Variants in TLL1 observed in about 807,000 individuals in gnomAD.
The protein encoded by TLL1 is tolloid like 1, also known as tolloid-like protein 1.
Under a neutral mutation model 128.2 loss-of-function variants are expected in TLL1, and 49 were observed. The ratio of observed to expected loss-of-function variants is 0.38; its 90% CI spans 0.30 to 0.48. The LOEUF is 0.48. TLL1 is among the 20% of genes least tolerant of loss of function. TLL1 has a pLI of 0.96. For synonymous variants in TLL1, 454 were observed against 418.8 expected (o/e 1.08, Z -1.03); for missense variants, 1,123 against 1,242.0 (o/e 0.90, Z 1.44).
intron 1 of TLL1, among the ~76,000 whole-genome samples, chr4:165,875,708 C>T (rs1255184651): frequency 2.0e-5 from 3 of 152,112 alleles, no homozygotes; most frequent in Non-Finnish European, 4.4e-5. Context: ...AATGTTGTAA[C>T]TTGCTGAAAA....
intron 1 of TLL1, among the ~76,000 whole-genome samples, chr4:165,964,074 A>AGATACAT (rs1224689312): frequency 6.6e-6 from 1 of 152,146 alleles, no homozygotes; most frequent in East Asian, 1.9e-4. Context: ...CCTAATGGGG[A>AGATACAT]GATACATCTT....
At chr4:165,958,041 C>T (rs1188792518) in intron 1 of TLL1, among the ~76,000 whole-genome samples, 6 of 150,954 alleles carry the variant, frequency 4.0e-5, no homozygotes, top group Non-Finnish European at 8.8e-5. Context: ...GACATGAGCT[C>T]ATCATTTTTT....
chr4:165,920,753 G>A (rs1733007913), intron 1 of TLL1, among the ~76,000 whole-genome samples: 1 of 152,012 alleles, frequency 6.6e-6, no homozygotes, highest in Admixed American at 6.6e-5. Flanking sequence ...ATATGGTAAT[G>A]GTGTTTGGAG....
rs1349519736 is a variant in TLL1 at position 165,968,761 on chromosome 4, GA to G, written c.170-20619del. On this transcript the variant is annotated intron_variant, in intron 1 of 20. Transcript: ENST00000061240. ...CAAAATGTCGTTTTTTTCTATCTGT[GA>G]GATAGAATTGTTGTAGTAGTTCATC... Among the ~76,000 whole-genome samples, 5 of 152,066 alleles carry G rather than the reference GA, an allele frequency of 3.3e-5. No individual in the cohort carries two copies. The East Asian group carries it at 7.7e-4, about 23-fold the overall frequency.
chr4:165,946,084 G>A (rs1379996588), intron 1 of TLL1, among the ~76,000 whole-genome samples: 1 of 152,098 alleles, frequency 6.6e-6, no homozygotes, highest in African/African-American at 2.4e-5. Flanking sequence ...AGGAATGCAC[G>A]TGGCCTTAAG....
intron 9 of TLL1, among the ~76,000 whole-genome samples, chr4:166,033,267 T>C (rs372559929): frequency 2.0e-5 from 3 of 152,250 alleles, no homozygotes; most frequent in Admixed American, 6.5e-5. Context: ...TAGTGAAAGT[T>C]GGAAACAAAA....
chr4:166,060,172 A>G lies in TLL1; in HGVS notation c.1991A>G (p.Glu664Gly), dbSNP rs773264792. Residue 664 changes from glutamate (E) to glycine (G), a missense_variant, in exon 15 of 21, where the codon GAA (glutamate) becomes GGA (glycine). By Grantham distance (98) the Glu-to-Gly change is moderately conservative. Coordinates refer to ENST00000061240, the MANE Select transcript of TLL1 (RefSeq NM_012464.5). Reference protein sequence around the residue: ...YRISVKFEFFELEGNEVCKYD... With the variant: ...YRISVKFEFFGLEGNEVCKYD... The stretch of plus-strand genomic sequence containing the variant: ...ATTTCTGTGAAGTTTGAGTTTTTTG[A>G]ATTGGAAGGCAATGAAGTAAGTGAA... 1 of 1,613,574 alleles carries G rather than the reference A, an allele frequency of 6.2e-7. No individual in the cohort carries two copies. The highest frequency in any genetic ancestry group is 8.5e-7 in the Non-Finnish European group (1 of 1,179,772).
Position 165,943,786 on chromosome 4 carries a change from C to G in TLL1, c.170-45595C>G, listed in dbSNP as rs116551585. The stretch of plus-strand genomic sequence containing the variant: ...TATTTTTTATTTCTGACTTCTTGCT[C>G]TATATTTTATTGGGAATTGATCATT... On this transcript the variant is annotated intron_variant, in intron 1 of 20. Coordinates refer to ENST00000061240, the MANE Select transcript of TLL1 (RefSeq NM_012464.5). Among the ~76,000 whole-genome samples, 1,158 of 152,140 alleles carry G rather than the reference C, an allele frequency of 7.6e-3. 7 individuals are homozygous for G. Among genetic ancestry groups the G allele is most frequent in the Non-Finnish European group, 9.6e-3 (655 of 67,960 alleles).
At chr4:165,899,543 T>C (rs1731853048) in intron 1 of TLL1, among the ~76,000 whole-genome samples, 1 of 152,218 alleles carries the variant, frequency 6.6e-6, no homozygotes, top group Middle Eastern at 3.2e-3. Context: ...TGAGTGAGTT[T>C]CTTAATCCTG....
intron 1 of TLL1, among the ~76,000 whole-genome samples, chr4:165,930,856 C>T (rs1221248361): frequency 3.3e-5 from 5 of 151,970 alleles, no homozygotes; most frequent in Non-Finnish European, 5.9e-5. Flanking sequence ...TATAAGCACT[C>T]CAGAAAAAAA....
chr4:166,099,254 T>A, intron 19 of TLL1, 23 bp from the exon 20 acceptor site: 1 of 1,613,282 alleles, frequency 6.2e-7, no homozygotes, highest in Non-Finnish European at 8.5e-7. Context: ...ACCTTACTCA[T>A]CTTATTTTTC....
At chr4:165,886,483 A>G (rs1049459389) in intron 1 of TLL1, among the ~76,000 whole-genome samples, 1 of 152,232 alleles carries the variant, frequency 6.6e-6, no homozygotes, top group South Asian at 2.1e-4. Context: ...TCTGCTAGAA[A>G]AAAAGTAACA....
At chr4:165,899,094 T>A (rs1378973781) in intron 1 of TLL1, among the ~76,000 whole-genome samples, 2 of 152,124 alleles carry the variant, frequency 1.3e-5, no homozygotes, top group African/African-American at 2.4e-5. Context: ...TCATTTTTTT[T>A]ATTGTGTCTA....
In TLL1 at chr4:166,099,291, T is replaced by C. The variant is rs1156303820; in HGVS notation, c.2671T>C (p.Leu891=). 1.2e-6 allele frequency: 2 copies of C among 1,613,490 alleles called. No individual in the cohort carries two copies. Among genetic ancestry groups the C allele is most frequent in the South Asian group, 1.1e-5 (1 of 91,090 alleles). Residue 891 remains leucine (L), a synonymous_variant, in exon 20 of 21, where the codon TTG becomes CTG. Transcript: ENST00000061240. ...ATHSTECGGR[L]KAESKPRDLY... ...TTCCTGGGCAGAGTGTGGCGGACGA[T>C]TGAAAGCAGAATCAAAACCAAGAGA...
Position 165,874,086 on chromosome 4 carries a change from C to T in TLL1, c.169+13C>T, listed in dbSNP as rs112803074. ...CCGTGTAAAGCCGGTAAGTGGCTCTCCAGGTTGGGACGGTGGCGCGCCGGG... is the reference window on the plus strand; with the variant it reads ...CCGTGTAAAGCCGGTAAGTGGCTCTTCAGGTTGGGACGGTGGCGCGCCGGG... On this transcript the variant is annotated intron_variant, in intron 1 of 20. Transcript: ENST00000061240. The T allele has an allele frequency of 6.2e-7, 1 of 1,614,040 alleles. No homozygotes were observed. Among genetic ancestry groups the T allele is most frequent in the Non-Finnish European group, 8.5e-7 (1 of 1,179,958 alleles).
chr4:166,066,375 T>A (rs1396760673), intron 16 of TLL1, among the ~76,000 whole-genome samples: 1 of 151,716 alleles, frequency 6.6e-6, no homozygotes. Context: ...CAAAGTAAAA[T>A]TTCCTTCTTA....
chr4:165,891,795 T>A (rs1010237849), intron 1 of TLL1, among the ~76,000 whole-genome samples: 1 of 152,186 alleles, frequency 6.6e-6, no homozygotes, highest in East Asian at 1.9e-4. Flanking sequence ...TTCTAAATTT[T>A]CCCACATTTT....
chr4:165,883,298 T>C (rs572066842), intron 1 of TLL1, among the ~76,000 whole-genome samples: 1 of 152,280 alleles, frequency 6.6e-6, no homozygotes, highest in Non-Finnish European at 1.5e-5. Context: ...TGGTCTGCCT[T>C]TCATTTCCTT....
rs1432637447 is a variant in TLL1, at chr4:166,003,525, A to G, written c.767A>G (p.Asp256Gly). 6.2e-7 allele frequency: 1 copy of G among 1,614,088 alleles called. No individual in the cohort carries two copies. The highest frequency in any genetic ancestry group is 8.5e-7 in the Non-Finnish European group (1 of 1,179,964). ...IGFWHEHTRP[D>G]RDNHVTIIRE... ...TTTTGGCATGAACACACAAGACCAG[A>G]TCGAGATAACCACGTAACTATCATA... The change falls in exon 6 of 21, where the codon GAT becomes GGT. Residue 256 changes from aspartate to glycine, a missense_variant. Coordinates refer to ENST00000061240, the MANE Select transcript of TLL1 (RefSeq NM_012464.5).
Sources: allele counts gnomAD v4.1 joint callset (sites outside exome capture counted in the v4.1 genomes callset), GRCh38; gene constraint gnomAD v4.1.1; transcripts MANE v1.5; gene names NCBI Gene and HGNC (gene_info 2026-07-23, HGNC 2026-07-21).